Variants in HSPG2 observed in about 807,000 individuals in gnomAD.
HSPG2 encodes the protein heparan sulfate proteoglycan 2, also known as basement membrane-specific heparan sulfate proteoglycan core protein.
In HSPG2, 278 loss-of-function variants were observed where a neutral mutation model predicts 526.6. The ratio of observed to expected loss-of-function variants is 0.53; its 90% confidence interval spans 0.48 to 0.58. The LOEUF is 0.58. Among genes scored for constraint, HSPG2 ranks in the 20% least tolerant of loss-of-function variants. The pLI is 0.00. For missense variants in HSPG2, 5,354 were observed against 6,099.5 expected (o/e 0.88, Z 4.07); for synonymous variants, 2,465 against 2,555.4 (o/e 0.96, Z 1.07).
intron 1 of HSPG2, among the ~76,000 whole-genome samples, chr1:21,935,011 A>C (rs1237725998): frequency 6.6e-6 from 1 of 151,898 alleles, no homozygotes; most frequent in African/African-American, 2.4e-5. Context: ...GGTTCAAGCG[A>C]TTCTCCTGCC....
chr1:21,885,959 GC>G (rs1265678547), intron 9 of HSPG2, among the ~76,000 whole-genome samples: 4 of 152,242 alleles, frequency 2.6e-5, no homozygotes, highest in Non-Finnish European at 1.5e-5. Context: ...CAAGGGCTGG[GC>G]CCTGCTAGGC....
At chr1:21,900,313 G>A (rs1283689525) in intron 1 of HSPG2, among the ~76,000 whole-genome samples, 1 of 152,224 alleles carries the variant, frequency 6.6e-6, no homozygotes, top group African/African-American at 2.4e-5. Flanking sequence ...CTAACAGGCT[G>A]AGAACAATTG....
intron 67 of HSPG2, 138 bp downstream of exon 67, chr1:21,842,632 G>A: frequency 8.7e-7 from 1 of 1,155,974 alleles, no homozygotes; most frequent in Non-Finnish European, 1.2e-6. Context: ...TTTGCAGGCT[G>A]GTGAACTCGT....
rs181560801 is a variant in HSPG2, at chr1:21,887,690, G to C, written c.704-16C>G. On this transcript the variant is annotated splice_polypyrimidine_tract_variant and intron_variant, in intron 7 of 96. Transcript: ENST00000374695. The surrounding 1 kb of genome is among the most constrained non-coding windows in gnomAD (Gnocchi z 5.0). The stretch of plus-strand genomic sequence containing the variant: ...ACTGGCTCCTCTGTGGATAGATTCC[G>C]CTTGGCATTTGGCAGAAGCAGATGG... 1.9e-6 allele frequency: 3 copies of C among 1,613,800 alleles called. No homozygotes were observed. Among genetic ancestry groups the C allele is most frequent in the Non-Finnish European group, 2.5e-6 (3 of 1,179,980 alleles).
At chr1:21,842,176 A>G (rs2098051287) in intron 68 of HSPG2, 34 bp from the exon 69 acceptor site, 1 of 1,612,972 alleles carries the variant, frequency 6.2e-7, no homozygotes, top group Non-Finnish European at 8.5e-7. Flanking sequence ...TGGGCTCAGC[A>G]GGGGTGGGCT....
chr1:21,840,446 T>C (rs1402412749), intron 71 of HSPG2, among the ~76,000 whole-genome samples: 1 of 151,996 alleles, frequency 6.6e-6, no homozygotes, highest in Non-Finnish European at 1.5e-5. Flanking sequence ...GCTGGGACTA[T>C]AGGCACCCGC....
At position 21,864,596 on chromosome 1, in the gene HSPG2, A is replaced by C. The variant is rs1455945560; in HGVS notation, c.4626+247T>G. Among the ~76,000 whole-genome samples, 1 of 152,110 alleles carries C rather than the reference A, an allele frequency of 6.6e-6. No individual in the cohort carries two copies. ...TTGGAGTCAATCAGACCCAGGTTCA[A>C]ATTAGTTTCTGCCACACATTAGCCG... On this transcript the variant is annotated intron_variant, in intron 36 of 96. Transcript: ENST00000374695. The surrounding 1 kb of genome is among the most constrained non-coding windows in gnomAD (Gnocchi z 4.8).
chr1:21,827,728 G>C, intron 91 of HSPG2, 135 bp downstream of exon 91: 1 of 986,414 alleles, frequency 1.0e-6, no homozygotes, highest in South Asian at 1.4e-5. Flanking sequence ...CATGGCTGTG[G>C]TCTTCATTCT....
chr1:21,850,553 A>G (rs1638813147), intron 55 of HSPG2, 55 bp from the exon 56 acceptor site: 3 of 1,515,070 alleles, frequency 2.0e-6, no homozygotes, highest in East Asian at 4.8e-5. Context: ...CTGTTCCTAT[A>G]ACCTGCAACC....
chr1:21,825,410 G>T (rs2097968635), intron 91 of HSPG2, among the ~76,000 whole-genome samples: 1 of 152,186 alleles, frequency 6.6e-6, no homozygotes, highest in African/African-American at 2.4e-5. Flanking sequence ...GAGCTACTGG[G>T]ACCGTTGGTC....
At chr1:21,901,703 C>T (rs564927646) in intron 1 of HSPG2, among the ~76,000 whole-genome samples, 13 of 152,200 alleles carry the variant, frequency 8.5e-5, no homozygotes, top group Non-Finnish European at 1.2e-4. Context: ...GTCCCCAGGG[C>T]GGCTGCAGCT....
Position 21,828,166 on chromosome 1 carries a change from C to T in HSPG2, c.12410-14G>A. ...CACACAGGTCTCCTGTGGGCCAGGG[C>T]AGAGGCGAGTGGGTGGGTGGGCATG... On this transcript the variant is annotated splice_polypyrimidine_tract_variant and intron_variant, in intron 89 of 96. Transcript: ENST00000374695. The surrounding 1 kb of genome is among the most constrained non-coding windows in gnomAD (Gnocchi z 6.0). The T allele has an allele frequency of 6.3e-7, 1 of 1,599,588 alleles. No individual in the cohort carries two copies. The highest frequency in any genetic ancestry group is 8.5e-7 in the Non-Finnish European group (1 of 1,171,326).
chr1:21,823,872 G>T, intron 95 of HSPG2, 153 bp from the exon 96 acceptor site: 1 of 754,704 alleles, frequency 1.3e-6, no homozygotes. Flanking sequence ...ACGAGAGATC[G>T]GGCCCCACAA....
chr1:21,889,808 GT>G, intron 6 of HSPG2, 172 bp downstream of exon 6: 1 of 699,574 alleles, frequency 1.4e-6, no homozygotes. Flanking sequence ...AGAGGAAACA[GT>G]CTGTGCTCTA....
At chr1:21,926,761 CAAAAAAAAA>C (rs57835686) in intron 1 of HSPG2, among the ~76,000 whole-genome samples, 28 of 55,884 alleles carry the variant, frequency 5.0e-4, no homozygotes, top group African/African-American at 1.8e-3. Context: ...GACTCAGTCT[CAAAAAAAAA>C]AAAAAAAAAA....
At chr1:21,830,180 G>T in intron 85 of HSPG2, 89 bp from the exon 86 acceptor site, 3 of 1,082,078 alleles carry the variant, frequency 2.8e-6, no homozygotes, top group South Asian at 2.7e-5. Context: ...ATCACACCCC[G>T]GGGGGCTGGG....
Position 21,847,554 on chromosome 1 carries a change from G to A in HSPG2, c.8026-62C>T. The A allele has an allele frequency of 2.5e-6, 4 of 1,608,628 alleles. No homozygotes were observed. The South Asian group carries it at 4.4e-5, about 18-fold the overall frequency. ...TGGAGGGACGCTGGGGTCACCAGCT[G>A]GCTCAGGCCTTCCTGCTCAGCCTGT... is the stretch of plus-strand genomic sequence containing the variant. On this transcript the variant is annotated intron_variant, in intron 61 of 96. Coordinates refer to ENST00000374695, the MANE Select transcript of HSPG2 (RefSeq NM_005529.7). This position sits in a 1 kb window ranked among gnomAD's most constrained non-coding sequence, Gnocchi z 4.1.
intron 1 of HSPG2, 29 bp downstream of exon 1, chr1:21,937,119 GCCCCCGC>G: frequency 1.8e-5 from 1 of 55,256 alleles, no homozygotes. Context: ...TAGCCCCTCC[GCCCCCGC>G]CCCCCGCCCC....
chr1:21,870,260 T>C (rs895262214), intron 33 of HSPG2: 1 of 986,040 alleles, frequency 1.0e-6, no homozygotes, highest in African/African-American at 1.7e-5. Flanking sequence ...GGCTCTGGGA[T>C]CCTCCCAGCT....
Sources: allele counts gnomAD v4.1 joint callset (sites outside exome capture counted in the v4.1 genomes callset), GRCh38; gene constraint gnomAD v4.1.1; non-coding constraint Gnocchi (gnomAD v3.1); transcripts MANE v1.5; gene names NCBI Gene and HGNC (gene_info 2026-07-23, HGNC 2026-07-21).